The following ARHGEF33 variants were observed in gnomAD, a reference collection of about 807,000 sequenced individuals.
ARHGEF33 encodes the protein DH and coiled-coil domain-containing protein ENSP00000381780.
In ARHGEF33, 72 loss-of-function variants were observed where a neutral mutation model predicts 101.9. That is an observed-to-expected ratio of 0.71 (90% CI 0.58 to 0.86). ARHGEF33 has a LOEUF of 0.86. ARHGEF33 is among the 40% of genes least tolerant of loss of function. The pLI is 0.00. For synonymous variants in ARHGEF33, 499 were observed against 442.5 expected (o/e 1.13, Z -1.60); for missense variants, 1,169 against 1,111.3 (o/e 1.05, Z -0.74).
In ARHGEF33 at chr2:38,958,125, C is replaced by T. The variant is rs1048066465; in HGVS notation, c.1462C>T (p.Arg488Cys). The change falls in exon 15 of 18, where the codon CGT becomes TGT. Residue 488 changes from arginine to cysteine, a missense_variant. Transcript: ENST00000409978. The stretch of plus-strand genomic sequence containing the variant: ...CCCCACTGCAGGTCCTGAGGCTGTC[C>T]GTGACACTGGGATCCACTCAGAAGA... ...ASPTAGPEAVRDTGIHSEELL... is the reference protein window; with the variant it reads ...ASPTAGPEAVCDTGIHSEELL... The T allele has an allele frequency of 7.7e-6, 12 of 1,552,050 alleles. No homozygotes were observed. Among genetic ancestry groups the T allele is most frequent in the South Asian group, 5.9e-5 (5 of 84,062 alleles).
chr2:38,907,358 C>G (rs1666414924), intron 2 of ARHGEF33, among the ~76,000 whole-genome samples: 2 of 152,176 alleles, frequency 1.3e-5, no homozygotes, highest in African/African-American at 4.8e-5. Flanking sequence ...ATGGATTGTA[C>G]TCTTTTTCTC....
At chr2:38,910,512 G>A (rs1217949415) in intron 2 of ARHGEF33, among the ~76,000 whole-genome samples, 1 of 152,208 alleles carries the variant, frequency 6.6e-6, no homozygotes, top group Non-Finnish European at 1.5e-5. Context: ...AGAGGTTGCA[G>A]TGAGCAGAGA....
intron 1 of ARHGEF33, among the ~76,000 whole-genome samples, chr2:38,891,071 C>A (rs1201467947): frequency 2.0e-5 from 3 of 151,234 alleles, no homozygotes; most frequent in Admixed American, 2.0e-4. Context: ...GTAACTGAGA[C>A]CACAGGTGCA....
chr2:38,946,054 T>C (rs931005690), intron 10 of ARHGEF33, among the ~76,000 whole-genome samples: 14 of 152,216 alleles, frequency 9.2e-5, no homozygotes, highest in African/African-American at 3.1e-4. Flanking sequence ...CTCTTCCTAT[T>C]TCAAAATTCA....
intron 7 of ARHGEF33, among the ~76,000 whole-genome samples, chr2:38,933,493 C>G (rs1667059593): frequency 1.3e-5 from 2 of 152,048 alleles, no homozygotes; most frequent in African/African-American, 4.8e-5. Flanking sequence ...AAGCAGTTCT[C>G]CAGCCTCAGC....
At chr2:38,907,883 A>T (rs1368939001) in intron 2 of ARHGEF33, among the ~76,000 whole-genome samples, 1 of 147,512 alleles carries the variant, frequency 6.8e-6, no homozygotes, top group African/African-American at 2.5e-5. Context: ...TTTTTAGACA[A>T]TGTCTCACTC....
At chr2:38,967,457 T>TA (rs1343158189) in intron 17 of ARHGEF33, among the ~76,000 whole-genome samples, 1 of 152,252 alleles carries the variant, frequency 6.6e-6, no homozygotes, top group African/African-American at 2.4e-5. Flanking sequence ...TTGAGAATTG[T>TA]ATTCCTCTTT....
intron 9 of ARHGEF33, among the ~76,000 whole-genome samples, chr2:38,939,060 C>A (rs1667232363): frequency 6.6e-6 from 1 of 152,146 alleles, no homozygotes; most frequent in Admixed American, 6.5e-5. Context: ...GCAACATCTG[C>A]CTCCCAGGCT....
chr2:38,949,838 G>C (rs999922544), intron 10 of ARHGEF33, among the ~76,000 whole-genome samples: 5 of 152,176 alleles, frequency 3.3e-5, no homozygotes, highest in African/African-American at 1.2e-4. Flanking sequence ...GAAGGCGAAG[G>C]GGAAGCAGGC....
chr2:38,907,262 G>A (rs146679383), intron 2 of ARHGEF33, among the ~76,000 whole-genome samples: 199 of 152,284 alleles, frequency 1.3e-3, no homozygotes, highest in African/African-American at 4.7e-3. Context: ...TTCAAGGTTT[G>A]ACTATGATTT....
chr2:38,913,420 A>T (rs1270386990), intron 2 of ARHGEF33, among the ~76,000 whole-genome samples: 1 of 152,202 alleles, frequency 6.6e-6, no homozygotes, highest in Non-Finnish European at 1.5e-5. Context: ...AAGATGAAAA[A>T]CTTCCAATTC....
At chr2:38,953,742 A>G (rs1283382712) in intron 12 of ARHGEF33, among the ~76,000 whole-genome samples, 1 of 152,234 alleles carries the variant, frequency 6.6e-6, no homozygotes, top group Non-Finnish European at 1.5e-5. Flanking sequence ...AAAAAACAGT[A>G]TCAGAAGCCC....
At chr2:38,910,504 A>T (rs1483875974) in intron 2 of ARHGEF33, among the ~76,000 whole-genome samples, 1 of 152,208 alleles carries the variant, frequency 6.6e-6, no homozygotes, top group Non-Finnish European at 1.5e-5. Context: ...CGGGAGGCAG[A>T]GGTTGCAGTG....
chr2:38,971,808 A>C (rs1668172030), intron 17 of ARHGEF33: 7 of 718,190 alleles, frequency 9.7e-6, no homozygotes, highest in Non-Finnish European at 1.8e-5. Context: ...GCAGTTAAAA[A>C]AATTTAAGCT....
intron 5 of ARHGEF33, among the ~76,000 whole-genome samples, chr2:38,929,462 T>C (rs980607965): frequency 2.0e-5 from 3 of 152,022 alleles, no homozygotes; most frequent in Non-Finnish European, 4.4e-5. Flanking sequence ...CGTTTTTCCA[T>C]AGCAGCCAAA....
chr2:38,917,916 C>T (rs2124990263), intron 2 of ARHGEF33, among the ~76,000 whole-genome samples: 1 of 151,952 alleles, frequency 6.6e-6, no homozygotes, highest in African/African-American at 2.4e-5. Flanking sequence ...TGCATTTTGT[C>T]ACTATAGATT....
chr2:38,938,681 G>A (rs1250704710), intron 9 of ARHGEF33, among the ~76,000 whole-genome samples: 5 of 152,058 alleles, frequency 3.3e-5, no homozygotes, highest in Non-Finnish European at 7.4e-5. Context: ...CCCAGATCAA[G>A]ATATACAATA....
chr2:38,972,698 TAAC>T (rs1318433400), intron 17 of ARHGEF33, among the ~76,000 whole-genome samples: 2 of 152,184 alleles, frequency 1.3e-5, no homozygotes, highest in South Asian at 2.1e-4. Context: ...ACTTATCTAA[TAAC>T]AAGAGTGAGG....
intron 5 of ARHGEF33, 23 bp downstream of exon 5, chr2:38,929,094 T>C (rs1193962879): frequency 1.3e-6 from 2 of 1,533,428 alleles, no homozygotes; most frequent in Non-Finnish European, 1.8e-6. Context: ...TTAATTTCCC[T>C]GCTGACAAGA....
Sources: gnomAD v4.1 joint callset for allele counts (sites outside exome capture counted in the v4.1 genomes callset) on GRCh38, gnomAD v4.1.1 for gene constraint, MANE v1.5 for transcripts, NCBI Gene and HGNC (gene_info 2026-07-23, HGNC 2026-07-21) for gene names.